Variants in CAPN13 observed in about 807,000 individuals in gnomAD.
The protein encoded by CAPN13 is calpain-13.
A neutral mutation model predicts 98.4 loss-of-function variants in CAPN13; 90 were observed. The ratio of observed to expected loss-of-function variants is 0.92; its 90% CI spans 0.77 to 1.09. The LOEUF (loss-of-function observed/expected upper bound fraction) is 1.09. CAPN13 is among the 50% of genes least tolerant of loss of function. CAPN13 has a pLI of 0.00. For missense variants in CAPN13, 887 were observed against 841.3 expected (o/e 1.05, Z -0.67); for synonymous variants, 330 against 305.5 (o/e 1.08, Z -0.84).
At chr2:30,741,851 C>A in intron 15 of CAPN13, 57 bp downstream of exon 15, 1 of 1,612,986 alleles carries the variant, frequency 6.2e-7, no homozygotes, top group Non-Finnish European at 8.5e-7. Flanking sequence ...AGCTGTCCCT[C>A]CCTCAGGTCC....
intron 12 of CAPN13, chr2:30,743,837 G>C (rs187251783): frequency 1.7e-6 from 1 of 594,442 alleles, no homozygotes; most frequent in Non-Finnish European, 3.1e-6. Flanking sequence ...ACAGCATCCT[G>C]AGTTTCTGAG....
chr2:30,756,205 C>T (rs1275088491), intron 8 of CAPN13, among the ~76,000 whole-genome samples: 4 of 152,194 alleles, frequency 2.6e-5, no homozygotes, highest in African/African-American at 2.4e-5. Flanking sequence ...AGACTTCCGG[C>T]ATCAGGCTGT....
chr2:30,734,073 C>T (rs559743402), intron 19 of CAPN13, among the ~76,000 whole-genome samples: 10 of 152,276 alleles, frequency 6.6e-5, no homozygotes, highest in African/African-American at 2.2e-4. Context: ...AGAGAGAGAG[C>T]GATCATCAGC....
chr2:30,805,216 T>C (rs1055879269), intron 1 of CAPN13, among the ~76,000 whole-genome samples: 1 of 152,090 alleles, frequency 6.6e-6, no homozygotes, highest in African/African-American at 2.4e-5. Context: ...AGCCAACATA[T>C]AAATGTCCTC....
intron 2 of CAPN13, among the ~76,000 whole-genome samples, chr2:30,785,374 A>ATGTCTTGT (rs1674218534): frequency 6.6e-6 from 1 of 152,208 alleles, no homozygotes; most frequent in African/African-American, 2.4e-5. Flanking sequence ...AAAGTACTAC[A>ATGTCTTGT]CAAAGGTAAG....
chr2:30,740,243 C>T (rs570567441), intron 15 of CAPN13, among the ~76,000 whole-genome samples: 3 of 151,962 alleles, frequency 2.0e-5, no homozygotes, highest in East Asian at 1.9e-4. Context: ...TACAGGCGTG[C>T]GCTACCATGC....
At chr2:30,768,314 G>A (rs1673210558) in intron 5 of CAPN13, among the ~76,000 whole-genome samples, 1 of 152,252 alleles carries the variant, frequency 6.6e-6, no homozygotes, top group South Asian at 2.1e-4. Context: ...GGTAAAGACA[G>A]AGGCACAAGG....
chr2:30,786,613 G>A (rs6732918), intron 2 of CAPN13, among the ~76,000 whole-genome samples: 50,110 of 151,966 alleles, frequency 0.33, 10,916 homozygotes, highest in African/African-American at 0.62. Flanking sequence ...ACAGGTGGTC[G>A]AGCCTCTCTA....
chr2:30,766,441 G>A (rs773996239), intron 5 of CAPN13, among the ~76,000 whole-genome samples: 1 of 152,232 alleles, frequency 6.6e-6, no homozygotes, highest in African/African-American at 2.4e-5. Context: ...AGCAGCAGCT[G>A]GGTGTTTTGA....
At chr2:30,763,255 A>C in intron 6 of CAPN13, 99 bp from the exon 7 acceptor site, 9 of 1,013,676 alleles carry the variant, frequency 8.9e-6, no homozygotes, top group African/African-American at 1.6e-5. Flanking sequence ...TCTGGGCCTC[A>C]CTGACTCACT....
chr2:30,751,139 T>A lies in CAPN13; in HGVS notation c.1200A>T (p.Glu400Asp). 1.2e-6 allele frequency: 2 copies of A among 1,613,896 alleles called. No homozygotes were observed. Among genetic ancestry groups the A allele is most frequent in the Non-Finnish European group, 1.7e-6 (2 of 1,179,834 alleles). ...GGAAATCGAGTGGAAATTTTGCATC[T>A]TCTGCTTTCAAATTTGATGGTGTGA... ...VAVTPSNLKA[E>D]DAKFPLDFQV... The change falls in exon 11 of 23, where the codon GAA (glutamate) becomes GAT (aspartate). Residue 400 changes from glutamate (E) to aspartate (D), a missense_variant. Transcript: ENST00000295055.
At chr2:30,764,340 C>T (rs368094677) in intron 5 of CAPN13, 34 bp from the exon 6 acceptor site, 9 of 1,606,102 alleles carry the variant, frequency 5.6e-6, no homozygotes, top group Middle Eastern at 1.8e-4. Context: ...CATCGTGGTG[C>T]CTTTGGTGAG....
At chr2:30,730,935 G>C (rs916871728) in intron 21 of CAPN13, 149 bp from the exon 22 acceptor site, 34 of 660,090 alleles carry the variant, frequency 5.2e-5, no homozygotes, top group Middle Eastern at 4.9e-4. Context: ...GGTACGGGGC[G>C]GGGTTGTCTC....
rs188891897 is a variant in CAPN13, at chr2:30,744,887, C to T, written c.1248+836G>A. The stretch of plus-strand genomic sequence containing the variant: ...TGTTCTCCAGCTCTGGGACCTGAGA[C>T]GCTGATGGCTCCTTGCACCTGAGTG... On this transcript the variant is annotated intron_variant, in intron 12 of 22. Transcript: ENST00000295055. Among the ~76,000 whole-genome samples the T allele has an allele frequency of 7.2e-5, 11 of 152,290 alleles. No individual in the cohort carries two copies. The South Asian group carries it at 1.0e-3, about 14-fold the overall frequency.
intron 2 of CAPN13, among the ~76,000 whole-genome samples, chr2:30,784,419 G>A (rs941577460): frequency 6.6e-6 from 1 of 152,122 alleles, no homozygotes; most frequent in Non-Finnish European, 1.5e-5. Flanking sequence ...TGTTTACTTA[G>A]TGTTTAGACT....
At chr2:30,783,038 T>C (rs1231915719) in intron 2 of CAPN13, among the ~76,000 whole-genome samples, 1 of 152,228 alleles carries the variant, frequency 6.6e-6, no homozygotes, top group Non-Finnish European at 1.5e-5. Flanking sequence ...GAATGTTCTA[T>C]TGGATGGTGC....
chr2:30,731,960 C>G (rs1373364739), intron 20 of CAPN13, among the ~76,000 whole-genome samples: 1 of 152,020 alleles, frequency 6.6e-6, no homozygotes, highest in Non-Finnish European at 1.5e-5. Flanking sequence ...GACTGTGGCT[C>G]GGGGTTTCAC....
At chr2:30,725,414 T>C (rs1670825117) in intron 22 of CAPN13, among the ~76,000 whole-genome samples, 1 of 151,984 alleles carries the variant, frequency 6.6e-6, no homozygotes, top group African/African-American at 2.4e-5. Flanking sequence ...AGCAGATGGG[T>C]TGAAGATGAG....
intron 5 of CAPN13, 23 bp downstream of exon 5, chr2:30,770,287 CTGA>C: frequency 6.2e-7 from 1 of 1,610,708 alleles, no homozygotes; most frequent in Non-Finnish European, 8.5e-7. Flanking sequence ...AAACTCTGGG[CTGA>C]TGGGTGGCGG....
Sources: gnomAD v4.1 joint callset for allele counts (sites outside exome capture counted in the v4.1 genomes callset) on GRCh38, gnomAD v4.1.1 for gene constraint, MANE v1.5 for transcripts, NCBI Gene and HGNC (gene_info 2026-07-23, HGNC 2026-07-21) for gene names.